Variants in FANCL observed in about 807,000 individuals in gnomAD.
FANCL encodes the protein FA complementation group L, also known as E3 ubiquitin-protein ligase FANCL.
In FANCL, 69 loss-of-function variants were observed where a neutral mutation model predicts 59.4. That is an observed-to-expected ratio of 1.16 (90% CI 0.96 to 1.42). The LOEUF (loss-of-function observed/expected upper bound fraction) is 1.42. Among genes scored for constraint, FANCL ranks in the 40% most tolerant of loss-of-function variants. The pLI is 0.00. For synonymous variants in FANCL, 180 were observed against 147.1 expected, an observed-to-expected ratio of 1.22 and a Z score of -1.62; for missense variants, 519 against 447.2, an observed-to-expected ratio of 1.16 and a Z score of -1.45.
intron 5 of FANCL, among the ~76,000 whole-genome samples, chr2:58,219,187 T>A (rs1410646465): frequency 7.6e-5 from 8 of 105,472 alleles, no homozygotes; most frequent in African/African-American, 3.0e-4. Flanking sequence ...TATATATATA[T>A]ATATATATAT....
chr2:58,239,541 G>C (rs990809716), intron 1 of FANCL, among the ~76,000 whole-genome samples: 1 of 152,186 alleles, frequency 6.6e-6, no homozygotes, highest in Non-Finnish European at 1.5e-5. Context: ...ACAGATGGTA[G>C]GGGATGGGGG....
chr2:58,187,977 G>A (rs1688572519), intron 7 of FANCL, among the ~76,000 whole-genome samples: 1 of 152,094 alleles, frequency 6.6e-6, no homozygotes, highest in Non-Finnish European at 1.5e-5. Context: ...TGCATTTGGT[G>A]TTATACTAAG....
chr2:58,208,059 T>C (rs1690769005), intron 5 of FANCL, among the ~76,000 whole-genome samples: 2 of 152,186 alleles, frequency 1.3e-5, no homozygotes, highest in Non-Finnish European at 2.9e-5. Context: ...ACCATGTCAC[T>C]AAATTTTTTT....
chr2:58,218,330 C>T (rs116387482), intron 5 of FANCL, among the ~76,000 whole-genome samples: 4,968 of 151,526 alleles, frequency 0.033, 315 homozygotes, highest in African/African-American at 0.11. Flanking sequence ...AAATATACAA[C>T]AGAGAAAATT....
chr2:58,229,369 G>A (rs1002556516), intron 3 of FANCL, among the ~76,000 whole-genome samples: 1 of 152,016 alleles, frequency 6.6e-6, no homozygotes, highest in Admixed American at 6.6e-5. Flanking sequence ...AACACACTAA[G>A]CAGCCTTTAA....
chr2:58,176,543 T>A (rs1237207578), intron 7 of FANCL, among the ~76,000 whole-genome samples: 2 of 152,154 alleles, frequency 1.3e-5, no homozygotes, highest in Non-Finnish European at 2.9e-5. Context: ...GATTCCCTAT[T>A]TAATAAATGG....
chr2:58,229,868 T>A lies in FANCL; in HGVS notation c.162A>T (p.Leu54Phe). ...EDLQLKNARL[L>F]CSWQLRTILS... Reference sequence around the variant, plus strand: ...GTATTGTTCTCAGCTGCCAACTACATAATAATCTAAAATTTTAATGAGACA... The same window carrying A: ...GTATTGTTCTCAGCTGCCAACTACAAAATAATCTAAAATTTTAATGAGACA... The change falls in exon 3 of 14, where the codon TTA becomes TTT. Residue 54 changes from leucine (L) to phenylalanine (F), a missense_variant. Physicochemically the swap from Leu to Phe is conservative, Grantham distance 22. Coordinates refer to ENST00000233741, the MANE Select transcript of FANCL (RefSeq NM_018062.4). 1 of 1,608,022 alleles carries A rather than the reference T, an allele frequency of 6.2e-7. No homozygotes were observed. The highest frequency in any genetic ancestry group is 8.5e-7 in the Non-Finnish European group (1 of 1,174,700).
At chr2:58,172,832 C>T (rs1686806098) in intron 7 of FANCL, among the ~76,000 whole-genome samples, 1 of 152,136 alleles carries the variant, frequency 6.6e-6, no homozygotes, top group African/African-American at 2.4e-5. Context: ...GACCATCAAA[C>T]TACTATGAGC....
At chr2:58,180,708 A>T (rs1470662543) in intron 7 of FANCL, among the ~76,000 whole-genome samples, 2 of 152,110 alleles carry the variant, frequency 1.3e-5, no homozygotes, top group African/African-American at 4.8e-5. Context: ...AAACATAATT[A>T]AAAAATAAAA....
At chr2:58,180,698 A>G (rs1458046877) in intron 7 of FANCL, among the ~76,000 whole-genome samples, 1 of 152,124 alleles carries the variant, frequency 6.6e-6, no homozygotes. Flanking sequence ...CCAGAACTTA[A>G]AACATAATTA....
chr2:58,166,474 ATAT>A (rs1485254447), intron 7 of FANCL, among the ~76,000 whole-genome samples: 2 of 152,208 alleles, frequency 1.3e-5, no homozygotes, highest in African/African-American at 4.8e-5. Flanking sequence ...AGCATTTCAT[ATAT>A]TAATCCCTTT....
Position 58,196,807 on chromosome 2 carries a change from G to A in FANCL, c.540+1787C>T, listed in dbSNP as rs1052749027. Among the ~76,000 whole-genome samples, 9 of 151,600 alleles carry A rather than the reference G, an allele frequency of 5.9e-5. 1 individual carries two copies. The highest frequency in any genetic ancestry group is 3.9e-4 in the Admixed American group (6 of 15,214). The stretch of plus-strand genomic sequence containing the variant: ...ATAAACAGTGTATTTTTCAACCTTG[G>A]AATTGTGATAAATATTAAAGTATAA... On this transcript the variant is annotated intron_variant, in intron 7 of 13. Coordinates refer to ENST00000233741, the MANE Select transcript of FANCL (RefSeq NM_018062.4).
chr2:58,205,645 G>C (rs1020874648), intron 5 of FANCL, among the ~76,000 whole-genome samples: 5 of 151,984 alleles, frequency 3.3e-5, no homozygotes, highest in Non-Finnish European at 7.4e-5. Context: ...AAAGAAGAAG[G>C]AATAGTATTA....
At chr2:58,197,462 G>A (rs572330172) in intron 7 of FANCL, among the ~76,000 whole-genome samples, 1 of 152,076 alleles carries the variant, frequency 6.6e-6, no homozygotes, top group South Asian at 2.1e-4. Context: ...TCTCCATTTT[G>A]CTATCAACTG....
At chr2:58,159,953 T>A in intron 13 of FANCL, 153 bp from the exon 14 acceptor site, 1 of 1,522,334 alleles carries the variant, frequency 6.6e-7, no homozygotes, top group East Asian at 2.4e-5. Context: ...AGAAAAGGAG[T>A]TTAATGTTTT....
At chr2:58,241,334 A>C, upstream of FANCL, 1 of 1,612,740 alleles carries the variant, frequency 6.2e-7, no homozygotes, top group African/African-American at 1.3e-5. Context: ...CCGGAGAAAC[A>C]CAGAAAAGCT....
rs1191111879 is a variant in FANCL, at chr2:58,165,850, G to A, written c.565C>T (p.Gln189Ter). 2 of 1,613,814 alleles carry A rather than the reference G, an allele frequency of 1.2e-6. No homozygotes were observed. Among genetic ancestry groups the A allele is most frequent in the Non-Finnish European group, 1.7e-6 (2 of 1,179,946 alleles). ...PQSSLISIYSQFLAAIESLKA... is the reference protein window; with the variant it reads ...PQSSLISIYS ...AGTGATTCTATTGCTGCCAAAAACTGACTATAAATGCTTATTAAGGAGCTC... is the reference window on the plus strand; with the variant it reads ...AGTGATTCTATTGCTGCCAAAAACTAACTATAAATGCTTATTAAGGAGCTC... The change falls in exon 8 of 14, where the codon CAG becomes TAG. Residue 189 changes from glutamine (Q) to a stop codon, truncating the protein, a stop_gained. Transcript: ENST00000233741. LOFTEE classifies it high-confidence loss of function.
chr2:58,162,976 G>A lies in FANCL; in HGVS notation c.822-29C>T, dbSNP rs371059417. 4.3e-6 allele frequency: 7 copies of A among 1,611,578 alleles called. No individual in the cohort carries two copies. The African/African-American group carries it at 5.3e-5, about 12-fold the overall frequency. ...AAAGCATGGGGAAAAAAATTATGCT[G>A]TGAACTTTGTAAAATCACCAAAAAG... is the stretch of plus-strand genomic sequence containing the variant. On this transcript the variant is annotated intron_variant, in intron 10 of 13. Transcript: ENST00000233741.
At chr2:58,229,999 A>C in intron 2 of FANCL, 125 bp from the exon 3 acceptor site, 8 of 714,804 alleles carry the variant, frequency 1.1e-5, no homozygotes, top group Admixed American at 6.6e-5. Context: ...AGTTAATAAA[A>C]TTTTTACCAC....
Sources: gnomAD v4.1 joint callset for allele counts (sites outside exome capture counted in the v4.1 genomes callset) on GRCh38, gnomAD v4.1.1 for gene constraint, MANE v1.5 for transcripts, NCBI Gene and HGNC (gene_info 2026-07-23, HGNC 2026-07-21) for gene names.